ACSF3: variants seen among roughly 807,000 people sequenced by gnomAD.
ACSF3 encodes the protein acyl-CoA synthetase family member 3.
ACSF3 carries 78 observed loss-of-function variants against 53.2 expected under a neutral mutation model. The ratio of observed to expected loss-of-function variants is 1.47; its 90% CI spans 1.22 to 1.77. The LOEUF is 1.77. Ranked by LOEUF, ACSF3 falls within the 40% of genes most tolerant of loss-of-function variation. The pLI is 0.00. For synonymous variants in ACSF3, 414 were observed against 333.1 expected, an observed-to-expected ratio of 1.24 and a Z score of -2.65; for missense variants, 937 against 771.1, an observed-to-expected ratio of 1.22 and a Z score of -2.55.
At chr16:89,111,214 A>C (rs539301246) in intron 4 of ACSF3, among the ~76,000 whole-genome samples, 62 of 152,318 alleles carry the variant, frequency 4.1e-4, no homozygotes, top group African/African-American at 1.4e-3. Context: ...GTGTCCTTAC[A>C]TGCTTTGTGA....
intron 8 of ACSF3, among the ~76,000 whole-genome samples, chr16:89,144,476 G>T (rs1287300917): frequency 6.6e-6 from 1 of 152,228 alleles, no homozygotes; most frequent in African/African-American, 2.4e-5. Context: ...TGTGGCCTCT[G>T]CGTGGGCCTT....
chr16:89,117,163 C>G (rs1161112141), intron 6 of ACSF3, among the ~76,000 whole-genome samples: 3 of 152,210 alleles, frequency 2.0e-5, no homozygotes, highest in Non-Finnish European at 4.4e-5. Context: ...AGGACAAGTT[C>G]TGTGTATTCA....
Position 89,154,730 on chromosome 16 carries a change from G to C in ACSF3, c.*523G>C, listed in dbSNP as rs1914531097. 1 of 454,064 alleles carries C rather than the reference G, an allele frequency of 2.2e-6. No individual in the cohort carries two copies. The highest frequency in any genetic ancestry group is 2.0e-5 in the African/African-American group (1 of 50,008). 28.1% of individuals were successfully genotyped at this position (454,064 alleles called of 1,614,324 possible). A position where few individuals can be genotyped will look rare whatever the true frequency, so the allele number is the denominator to read the frequency against. ...TCACAAGCCTCCCAGAACCAGCCCT[G>C]TCCCATGGGTTCCGTGCATTTCCTG... On this transcript the variant is annotated 3_prime_UTR_variant, in exon 11 of 11. Coordinates refer to ENST00000614302, the MANE Select transcript of ACSF3 (RefSeq NM_001243279.3).
At chr16:89,112,307 A>C in intron 5 of ACSF3, 61 bp downstream of exon 5, 1 of 1,592,572 alleles carries the variant, frequency 6.3e-7, no homozygotes, top group Admixed American at 1.7e-5. Flanking sequence ...GATACGACTT[A>C]TTTCTAATAA....
intron 8 of ACSF3, among the ~76,000 whole-genome samples, chr16:89,140,575 T>C (rs1911560164): frequency 6.6e-6 from 1 of 152,200 alleles, no homozygotes; most frequent in Non-Finnish European, 1.5e-5. Context: ...GGGCCTCTCT[T>C]CACCTTGTTT....
At chr16:89,144,478 G>A (rs895917806) in intron 8 of ACSF3, among the ~76,000 whole-genome samples, 1 of 152,226 alleles carries the variant, frequency 6.6e-6, no homozygotes, top group African/African-American at 2.4e-5. Context: ...TGGCCTCTGC[G>A]TGGGCCTTGG....
chr16:89,136,844 G>A, intron 8 of ACSF3: 1 of 1,282,216 alleles, frequency 7.8e-7, no homozygotes, highest in South Asian at 1.2e-5. Flanking sequence ...CTCCTCTGAC[G>A]GCCACAACGA....
chr16:89,143,389 G>T (rs1003290955), intron 8 of ACSF3, among the ~76,000 whole-genome samples: 2 of 152,164 alleles, frequency 1.3e-5, no homozygotes, highest in African/African-American at 4.8e-5. Flanking sequence ...TCCATGCTGC[G>T]CTGGGTCTCT....
chr16:89,106,996 C>T (rs1393097978), intron 4 of ACSF3, among the ~76,000 whole-genome samples: 1 of 152,254 alleles, frequency 6.6e-6, no homozygotes, highest in African/African-American at 2.4e-5. Flanking sequence ...TCGTCTCCAA[C>T]AGCACTGCCC....
chr16:89,102,552 T>G, intron 3 of ACSF3, 52 bp from the exon 4 acceptor site: 1 of 1,607,350 alleles, frequency 6.2e-7, no homozygotes, highest in Non-Finnish European at 8.5e-7. Context: ...GTGTGTGCTG[T>G]TGCGGGCCAC....
chr16:89,119,873 C>T (rs1049668140), intron 6 of ACSF3, among the ~76,000 whole-genome samples: 2 of 152,222 alleles, frequency 1.3e-5, no homozygotes, highest in South Asian at 2.1e-4. Context: ...CACTGACCCT[C>T]GATGCTGACC....
chr16:89,150,163 C>G (rs1276472510), intron 10 of ACSF3: 1 of 152,190 alleles, frequency 6.6e-6, no homozygotes, highest in Non-Finnish European at 1.5e-5. Flanking sequence ...CTGTTCTGTT[C>G]CCTCTCTGGA....
At chr16:89,116,314 C>G (rs1208697421) in intron 6 of ACSF3, among the ~76,000 whole-genome samples, 1 of 152,192 alleles carries the variant, frequency 6.6e-6, no homozygotes, top group Non-Finnish European at 1.5e-5. Context: ...TTGGCTCATT[C>G]CATGCCTGCT....
chr16:89,149,265 G>A (rs960870161), intron 10 of ACSF3: 6 of 152,090 alleles, frequency 3.9e-5, no homozygotes, highest in East Asian at 1.9e-4. Context: ...TCTCCAAATC[G>A]TTCCAGCCTC....
rs572831019 is a variant in ACSF3 at position 89,105,805 on chromosome 16, TGAGGGCAGGTTGGTTCCATCGTCCCG to T, written c.822+3067_822+3092del. On this transcript the variant is annotated intron_variant, in intron 4 of 10. Coordinates refer to ENST00000614302, the MANE Select transcript of ACSF3 (RefSeq NM_001243279.3). Reference sequence around the variant, plus strand: ...AGAGGCAGAACATCTCCCAGGGAGCTGAGGGCAGGTTGGTTCCATCGTCCCGGAGGGCAGGTTGGTTCCATCCTCCC... The same window carrying T: ...AGAGGCAGAACATCTCCCAGGGAGCTGAGGGCAGGTTGGTTCCATCCTCCC... 3.3e-4 allele frequency among the ~76,000 whole-genome samples: 50 copies of T among 152,316 alleles called. 1 individual carries two copies. The East Asian group carries it at 7.7e-3, about 24-fold the overall frequency.
intron 6 of ACSF3, among the ~76,000 whole-genome samples, chr16:89,115,703 C>A (rs1905010736): frequency 1.3e-5 from 2 of 152,236 alleles, no homozygotes; most frequent in African/African-American, 4.8e-5. Flanking sequence ...GCTACACCAT[C>A]CCCTTCCCCC....
At chr16:89,098,396 TGG>T (rs1964060630) in intron 1 of ACSF3, among the ~76,000 whole-genome samples, 193 bp from the exon 2 acceptor site, 1 of 152,176 alleles carries the variant, frequency 6.6e-6, no homozygotes, top group Non-Finnish European at 1.5e-5. Flanking sequence ...GCGTGGTGTG[TGG>T]GAGGAGACTC....
intron 2 of ACSF3, among the ~76,000 whole-genome samples, chr16:89,100,416 T>C (rs990038190): frequency 6.6e-6 from 1 of 152,212 alleles, no homozygotes; most frequent in Non-Finnish European, 1.5e-5. Flanking sequence ...TGTTTAGAAT[T>C]TTGTGTGGTT....
At chr16:89,150,967 A>G (rs1038921968) in intron 10 of ACSF3, 48 of 1,280,754 alleles carry the variant, frequency 3.7e-5, no homozygotes, top group Non-Finnish European at 4.4e-5. Flanking sequence ...TCCAACAAGA[A>G]GATATCCAGG....
Sources: allele counts gnomAD v4.1 joint callset (sites outside exome capture counted in the v4.1 genomes callset), GRCh38; gene constraint gnomAD v4.1.1; transcripts MANE v1.5; gene names NCBI Gene and HGNC (gene_info 2026-07-23, HGNC 2026-07-21).